Variants in NAALADL2 observed in about 807,000 individuals in gnomAD.
The protein encoded by NAALADL2 is N-acetylated alpha-linked acidic dipeptidase like 2, also known as inactive N-acetylated-alpha-linked acidic dipeptidase-like protein 2.
NAALADL2 carries 76 observed loss-of-function variants against 87.2 expected under a neutral mutation model. The ratio of observed to expected loss-of-function variants is 0.87; its 90% CI spans 0.72 to 1.05. The LOEUF is 1.05. Ranked by LOEUF, NAALADL2 falls within the 50% of genes least tolerant of loss-of-function variation. NAALADL2 has a pLI of 0.00. For synonymous variants in NAALADL2, 354 were observed against 331.0 expected (o/e 1.07, Z -0.75); for missense variants, 1,089 against 945.8 (o/e 1.15, Z -1.99).
chr3:175,045,515 TGA>T (rs1754562143), intron 1 of NAALADL2, among the ~76,000 whole-genome samples: 1 of 152,196 alleles, frequency 6.6e-6, no homozygotes, highest in Non-Finnish European at 1.5e-5. Flanking sequence ...GTGAAGGGTT[TGA>T]GATTTTAATT....
intron 1 of NAALADL2, among the ~76,000 whole-genome samples, chr3:174,484,259 G>A (rs1035459301): frequency 2.6e-5 from 2 of 75,842 alleles, no homozygotes; most frequent in Non-Finnish European, 4.9e-5. Context: ...TTTACATTAT[G>A]GTATAGCTCC....
chr3:174,510,095 T>TTTA (rs139257205), intron 1 of NAALADL2, among the ~76,000 whole-genome samples: 4,759 of 152,162 alleles, frequency 0.031, 232 homozygotes, highest in African/African-American at 0.11. Flanking sequence ...TTAGTCATGT[T>TTTA]TTATTATGTG....
chr3:174,882,139 A>G (rs951067282), intron 1 of NAALADL2, among the ~76,000 whole-genome samples: 3 of 152,054 alleles, frequency 2.0e-5, no homozygotes, highest in Non-Finnish European at 2.9e-5. Flanking sequence ...GTTAAGTAAG[A>G]TATTTGAATT....
At chr3:174,708,069 A>T (rs1028211727) in intron 2 of NAALADL2, among the ~76,000 whole-genome samples, 17 of 152,180 alleles carry the variant, frequency 1.1e-4, no homozygotes, top group African/African-American at 4.1e-4. Context: ...TAAATTATCC[A>T]TAATCTAAGG....
intron 13 of NAALADL2, among the ~76,000 whole-genome samples, chr3:175,794,293 A>G (rs1197955132): frequency 6.6e-6 from 1 of 152,124 alleles, no homozygotes; most frequent in Non-Finnish European, 1.5e-5. Context: ...TTATCTAAAT[A>G]TTGAGTTTGA....
chr3:175,283,825 C>G lies in NAALADL2; in HGVS notation c.939+27295C>G, dbSNP rs548380235. ...TGAAAATAGTTCTACATCATAAAAT[C>G]TGGACATGAGCTTAATCACTAGAGA... On this transcript the variant is annotated intron_variant, in intron 4 of 13. Transcript: ENST00000454872. 1.3e-4 allele frequency among the ~76,000 whole-genome samples: 20 copies of G among 152,118 alleles called. No homozygotes were observed. In the South Asian group the frequency reaches 4.1e-3, roughly 32 times the overall value.
intron 1 of NAALADL2, among the ~76,000 whole-genome samples, chr3:174,961,784 G>T (rs1029086412): frequency 6.6e-6 from 1 of 152,008 alleles, no homozygotes; most frequent in Admixed American, 6.6e-5. Context: ...ATGATAATGA[G>T]AAAGATACAT....
At chr3:175,332,957 A>G (rs1467485845) in intron 5 of NAALADL2, among the ~76,000 whole-genome samples, 1 of 152,100 alleles carries the variant, frequency 6.6e-6, no homozygotes, top group Non-Finnish European at 1.5e-5. Flanking sequence ...TGGTGAATTG[A>G]CCCATTTATC....
At chr3:175,799,418 G>A (rs1753874293) in intron 13 of NAALADL2, among the ~76,000 whole-genome samples, 2 of 151,768 alleles carry the variant, frequency 1.3e-5, no homozygotes, top group Admixed American at 6.6e-5. Flanking sequence ...ATTTGTATAT[G>A]AATACATATA....
At chr3:174,991,463 GAC>G (rs1173771790) in intron 1 of NAALADL2, among the ~76,000 whole-genome samples, 2 of 134,166 alleles carry the variant, frequency 1.5e-5, no homozygotes, top group Admixed American at 7.1e-5. Flanking sequence ...TATTTTTAGA[GAC>G]ATTTAATTTT....
intron 13 of NAALADL2, among the ~76,000 whole-genome samples, chr3:175,758,857 C>T (rs911775760): frequency 4.3e-4 from 65 of 152,032 alleles, no homozygotes; most frequent in African/African-American, 1.4e-3. Context: ...CTCTAACCCA[C>T]TGGGCATACA....
chr3:175,695,137 A>T (rs944363043), intron 11 of NAALADL2, among the ~76,000 whole-genome samples: 1 of 151,094 alleles, frequency 6.6e-6, no homozygotes. Flanking sequence ...TTGCAATTTT[A>T]TGTAGAGTAA....
chr3:175,704,813 T>C (rs1296546549), intron 11 of NAALADL2, among the ~76,000 whole-genome samples: 2 of 152,200 alleles, frequency 1.3e-5, no homozygotes, highest in African/African-American at 4.8e-5. Context: ...GTATCAAAGC[T>C]GAGTCAGCCC....
At chr3:174,480,910 A>G (rs368551144) in intron 1 of NAALADL2, among the ~76,000 whole-genome samples, 23 of 152,204 alleles carry the variant, frequency 1.5e-4, no homozygotes, top group African/African-American at 4.1e-4. Flanking sequence ...ACAGGTCATA[A>G]ATTAATGCCA....
intron 10 of NAALADL2, among the ~76,000 whole-genome samples, chr3:175,584,039 CTT>C (rs5854648): frequency 6.9e-6 from 1 of 144,152 alleles, no homozygotes; most frequent in African/African-American, 2.6e-5. Flanking sequence ...ATTGTCACTA[CTT>C]TTTTTTTTTT....
intron 1 of NAALADL2, among the ~76,000 whole-genome samples, chr3:174,935,486 A>G (rs932486661): frequency 6.6e-6 from 1 of 152,168 alleles, no homozygotes; most frequent in Non-Finnish European, 1.5e-5. Flanking sequence ...CTTTTGCCTT[A>G]TCAGTCTTGT....
At chr3:174,816,414 G>GTA (rs1560252891) in intron 3 of NAALADL2, among the ~76,000 whole-genome samples, 1 of 32,354 alleles carries the variant, frequency 3.1e-5, no homozygotes, top group African/African-American at 2.8e-4. Context: ...ATGTGTGTGC[G>GTA]TGTGTGTGTG....
At chr3:175,603,821 A>G (rs10936857) in intron 10 of NAALADL2, among the ~76,000 whole-genome samples, 105,790 of 151,608 alleles carry the variant, frequency 0.7, 37,747 homozygotes, top group East Asian at 0.85. Flanking sequence ...GCAAGACCCC[A>G]TCTATAAAAA....
intron 3 of NAALADL2, among the ~76,000 whole-genome samples, chr3:175,253,867 A>G (rs749472503): frequency 2.0e-5 from 3 of 152,176 alleles, no homozygotes; most frequent in South Asian, 2.1e-4. Context: ...GAACCTGAAG[A>G]TGTGACTAAA....
Sources: allele counts gnomAD v4.1 joint callset (sites outside exome capture counted in the v4.1 genomes callset), GRCh38; gene constraint gnomAD v4.1.1; transcripts MANE v1.5; gene names NCBI Gene and HGNC (gene_info 2026-07-23, HGNC 2026-07-21).